Variants in USP31 observed in about 807,000 individuals in gnomAD.
USP31 encodes the protein ubiquitin specific peptidase 31.
In USP31, 44 loss-of-function variants were observed where a neutral mutation model predicts 119.4. That is an observed-to-expected ratio of 0.37 (90% CI 0.29 to 0.47). USP31 has a LOEUF of 0.47. USP31 is among the 20% of genes least tolerant of loss of function. USP31 has a pLI of 0.99. For synonymous variants in USP31, 749 were observed against 705.6 expected (o/e 1.06, Z -0.97); for missense variants, 1,643 against 1,730.2 (o/e 0.95, Z 0.89).
intron 12 of USP31, 131 bp from the exon 13 acceptor site, chr16:23,080,302 C>A (rs1296014967): frequency 2.7e-6 from 2 of 746,552 alleles, no homozygotes; most frequent in East Asian, 5.7e-5. Context: ...CCAAGACATA[C>A]AAATCAGGGA....
chr16:23,102,598 G>A, intron 5 of USP31, 135 bp from the exon 6 acceptor site: 1 of 969,460 alleles, frequency 1.0e-6, no homozygotes, highest in Non-Finnish European at 1.4e-6. Context: ...CACTTTATTT[G>A]CCTTTAATGA....
chr16:23,070,584 G>C (rs1034228557), intron 15 of USP31, among the ~76,000 whole-genome samples: 2 of 152,030 alleles, frequency 1.3e-5, no homozygotes, highest in Non-Finnish European at 2.9e-5. Flanking sequence ...TGTGGTGGCA[G>C]GTGCCTGTAG....
intron 2 of USP31, among the ~76,000 whole-genome samples, chr16:23,106,839 A>C (rs1343679122): frequency 6.6e-6 from 1 of 152,192 alleles, no homozygotes; most frequent in African/African-American, 2.4e-5. Flanking sequence ...TTGGCCAGGC[A>C]CAGGGGCTCA....
chr16:23,111,716 G>A (rs147219735), intron 1 of USP31, among the ~76,000 whole-genome samples: 1 of 152,266 alleles, frequency 6.6e-6, no homozygotes, highest in East Asian at 1.9e-4. Flanking sequence ...ATATTTAGGT[G>A]GGAGGCTCAA....
chr16:23,135,882 G>A (rs1427363144), intron 1 of USP31, among the ~76,000 whole-genome samples: 2 of 152,056 alleles, frequency 1.3e-5, no homozygotes, highest in African/African-American at 2.4e-5. Context: ...AAACAATCTC[G>A]AAAAAGACAA....
chr16:23,110,737 T>C (rs1219583938), intron 1 of USP31, among the ~76,000 whole-genome samples: 3 of 152,074 alleles, frequency 2.0e-5, no homozygotes, highest in Non-Finnish European at 2.9e-5. Flanking sequence ...AATGACTCAG[T>C]GTGATGAATA....
rs940055359 is a variant in USP31 at position 23,068,869 on chromosome 16, G to C, written c.3236C>G (p.Ser1079Cys). ...ATGCCGTCCACTGCCCCTGGAAGAA[G>C]AATCTGCTTTGCTGCGGGAGCGGGA... ...KPSRSRSKAD[S>C]SSRGSGRHSS... The change falls in exon 16 of 16, where the codon TCT becomes TGT. Residue 1079 changes from serine (S) to cysteine (C), a missense_variant. Physicochemically the swap from Ser to Cys is moderately radical, Grantham distance 112. Around this residue, in one of 5 missense-constraint regions of USP31, gnomAD observed 699 missense variants for 650.9 expected, o/e 1.07. Transcript: ENST00000219689. 1.3e-6 allele frequency: 2 copies of C among 1,585,124 alleles called. No individual in the cohort carries two copies. The highest frequency in any genetic ancestry group is 2.2e-5 in the East Asian group (1 of 44,664).
At chr16:23,116,784 G>A (rs1002735052) in intron 1 of USP31, among the ~76,000 whole-genome samples, 1 of 152,144 alleles carries the variant, frequency 6.6e-6, no homozygotes, top group African/African-American at 2.4e-5. Flanking sequence ...GGGGACCCTG[G>A]TGGGAGAGGA....
chr16:23,146,296 A>G (rs1053847775), intron 1 of USP31, among the ~76,000 whole-genome samples: 1 of 151,794 alleles, frequency 6.6e-6, no homozygotes, highest in Admixed American at 6.6e-5. Context: ...TCCCTTTCTA[A>G]TTTTGAGATC....
At chr16:23,143,672 G>A (rs990203442) in intron 1 of USP31, among the ~76,000 whole-genome samples, 3 of 152,018 alleles carry the variant, frequency 2.0e-5, no homozygotes, top group African/African-American at 4.8e-5. Context: ...GGAAACTTGC[G>A]CTGAGTCTCC....
At chr16:23,099,807 A>G (rs1384801823) in intron 6 of USP31, among the ~76,000 whole-genome samples, 4 of 152,238 alleles carry the variant, frequency 2.6e-5, no homozygotes, top group Non-Finnish European at 4.4e-5. Flanking sequence ...TATTCAGCAT[A>G]TGTGAAAATT....
At position 23,084,965 on chromosome 16, in the gene USP31, C is replaced by T. The variant is rs1316087310; in HGVS notation, c.1725G>A (p.Glu575=). The T allele has an allele frequency of 6.2e-6, 10 of 1,614,010 alleles. No homozygotes were observed. The highest frequency in any genetic ancestry group is 1.7e-4 in the Middle Eastern group (1 of 6,060). Residue 575 remains glutamate (E), a synonymous_variant, in exon 11 of 16, where the codon GAG becomes GAA. Transcript: ENST00000219689. Reference sequence around the variant, plus strand: ...GAACACTTTCTGCATCAGGAATATACTCATCCTCAGTATTTACAAATAAGC... The same window carrying T: ...GAACACTTTCTGCATCAGGAATATATTCATCCTCAGTATTTACAAATAAGC... The part of the protein sequence containing the change: ...RDFLFVNTED[E]YIPDAESVRL...
chr16:23,121,620 T>C (rs1377984098), intron 1 of USP31, among the ~76,000 whole-genome samples: 1 of 152,224 alleles, frequency 6.6e-6, no homozygotes, highest in Admixed American at 6.5e-5. Flanking sequence ...AAAATGTTAC[T>C]ATCATATAGT....
chr16:23,110,144 A>G (rs957741400), intron 1 of USP31, among the ~76,000 whole-genome samples: 11 of 152,206 alleles, frequency 7.2e-5, no homozygotes, highest in African/African-American at 2.7e-4. Context: ...CTTCGTGGAA[A>G]CTCTATGCTA....
chr16:23,133,217 A>G (rs1210852185), intron 1 of USP31, among the ~76,000 whole-genome samples: 3 of 152,176 alleles, frequency 2.0e-5, no homozygotes, highest in Non-Finnish European at 4.4e-5. Flanking sequence ...CAAAGCTTAA[A>G]GCCCAAGAGT....
chr16:23,125,524 C>T (rs553323252), intron 1 of USP31, among the ~76,000 whole-genome samples: 11 of 152,178 alleles, frequency 7.2e-5, no homozygotes, highest in Non-Finnish European at 1.6e-4. Flanking sequence ...CCTTTCTTTC[C>T]CATCTGAAGG....
At chr16:23,101,369 G>A (rs1044667053) in intron 6 of USP31, among the ~76,000 whole-genome samples, 1 of 152,124 alleles carries the variant, frequency 6.6e-6, no homozygotes, top group African/African-American at 2.4e-5. Context: ...ATCTAAGAAA[G>A]AAATGCTAAG....
At position 23,068,132 on chromosome 16, in the gene USP31, C is replaced by T. The variant is rs955182699; in HGVS notation, c.3973G>A (p.Gly1325Ser). 1 of 1,614,036 alleles carries T rather than the reference C, an allele frequency of 6.2e-7. No homozygotes were observed. Among genetic ancestry groups the T allele is most frequent in the African/African-American group, 1.3e-5 (1 of 74,886 alleles). Residue 1325 changes from glycine (G) to serine (S), a missense_variant, in exon 16 of 16, where the codon GGT (glycine) becomes AGT (serine). This residue lies in a region of USP31 where 699 missense variants were observed against 650.9 expected (regional missense o/e 1.07). Coordinates refer to ENST00000219689, the MANE Select transcript of USP31 (RefSeq NM_020718.4). ...GATTTCTCTGCAGACTGCCTGCCAC[C>T]CGGAGACGAGGGAACTCCAGAGTCT... The part of the protein sequence containing the change: ...QLDSGVPSSP[G>S]GRQSAEKSSK...
At chr16:23,141,181 C>T (rs78093387) in intron 1 of USP31, among the ~76,000 whole-genome samples, 3,780 of 152,322 alleles carry the variant, frequency 0.025, 58 homozygotes, top group African/African-American at 0.04. Context: ...CGGCCTCTGC[C>T]TACCTGGCCC....
Sources: gnomAD v4.1 joint callset for allele counts (sites outside exome capture counted in the v4.1 genomes callset) on GRCh38, gnomAD v4.1.1 for gene constraint, gnomAD v4.1.1 regional missense constraint, MANE v1.5 for transcripts, NCBI Gene and HGNC (gene_info 2026-07-23, HGNC 2026-07-21) for gene names.